Variants in RNF208 observed in about 807,000 individuals in gnomAD.
The protein encoded by RNF208 is ring finger protein 208.
A neutral mutation model predicts 15.2 loss-of-function variants in RNF208; 7 were observed. That is an observed-to-expected ratio of 0.46 (90% CI 0.26 to 0.86). The LOEUF (loss-of-function observed/expected upper bound fraction) is 0.86. RNF208 is among the 40% of genes least tolerant of loss of function. RNF208 has a pLI of 0.16. For synonymous variants in RNF208, 211 were observed against 163.2 expected, an observed-to-expected ratio of 1.29 and a Z score of -2.23; for missense variants, 342 against 364.1, an observed-to-expected ratio of 0.94 and a Z score of 0.49.
upstream of RNF208, among the ~76,000 whole-genome samples, chr9:137,222,415 G>C (rs1285249570): frequency 6.6e-6 from 1 of 151,868 alleles, no homozygotes; most frequent in Non-Finnish European, 1.5e-5. Flanking sequence ...GGACCCCCGC[G>C]TCGCCCCCAG....
rs770797630 is a variant in RNF208, at chr9:137,221,172, G to A, written c.41C>T (p.Pro14Leu). ...CTTCAGGCAGGACATGAGGAGGCCC[G>A]GCCAGCCACTGCCCGCCTCGGGCCC... Reference protein sequence around the residue: ...DPGPEAGSGWPGLLMSCLKGP... With the variant: ...DPGPEAGSGWLGLLMSCLKGP... The change falls in exon 2 of 2, where the codon CCG becomes CTG. Residue 14 changes from proline (P) to leucine (L), a missense_variant. Coordinates refer to ENST00000391553, the MANE Select transcript of RNF208 (RefSeq NM_031297.7). The A allele has an allele frequency of 8.4e-6, 13 of 1,542,246 alleles. No homozygotes were observed. In the South Asian group the frequency reaches 1.5e-4, roughly 17 times the overall value.
At chr9:137,222,812 G>A (rs796655082), upstream of RNF208, among the ~76,000 whole-genome samples, 12 of 152,384 alleles carry the variant, frequency 7.9e-5, no homozygotes, top group African/African-American at 2.4e-4. Flanking sequence ...AGGCGGCCCT[G>A]AGGACCGCAC....
Position 137,221,256 on chromosome 9 carries a change from G to GT in RNF208, c.-45dup. 1 of 355,204 alleles carries GT rather than the reference G, an allele frequency of 2.8e-6. No homozygotes were observed. The highest frequency in any genetic ancestry group is 4.5e-6 in the Non-Finnish European group (1 of 223,150). 22.0% of individuals were successfully genotyped at this position (355,204 alleles called of 1,614,324 possible). A position where few individuals can be genotyped will look rare whatever the true frequency, so the allele number is the denominator to read the frequency against. ...ACTGGATGTTCGGGTGGGTGGGGGC[G>GT]TTGTGTGGGGCTGGGGGGCAGGTGA... is the stretch of plus-strand genomic sequence containing the variant. On this transcript the variant is annotated 5_prime_UTR_variant, in exon 2 of 2. It removes the in-frame stop codon of an upstream open reading frame in the 5' UTR. Transcript: ENST00000391553.
At position 137,221,430 on chromosome 9, in the gene RNF208, G is replaced by T. The variant is rs907124987; in HGVS notation, c.-218C>A. 1.4e-5 allele frequency: 4 copies of T among 288,590 alleles called. No individual in the cohort carries two copies. Among genetic ancestry groups the T allele is most frequent in the South Asian group, 3.3e-4 (2 of 6,004 alleles). The allele number at this position is 288,590 out of a possible 1,614,324, so 17.9% of individuals were successfully genotyped here. On this transcript the variant is annotated 5_prime_UTR_variant, in exon 2 of 2. Coordinates refer to ENST00000391553, the MANE Select transcript of RNF208 (RefSeq NM_031297.7). ...TCCAGTCCTGGGAGGAGGAGGAAGG[G>T]GTGGGGGAGGGGGAGGCAGGCGGGG...
upstream of RNF208, among the ~76,000 whole-genome samples, chr9:137,222,887 C>A (rs1279865870): frequency 1.3e-5 from 2 of 152,214 alleles, no homozygotes; most frequent in South Asian, 4.1e-4. Flanking sequence ...CTTCCTCACC[C>A]GGGGCTTCCC....
rs769840151 is a variant in RNF208, at chr9:137,220,398, AGCGGGCAGTG to A, written c.*19_*28del. On this transcript the variant is annotated 3_prime_UTR_variant, in exon 2 of 2. Coordinates refer to ENST00000391553, the MANE Select transcript of RNF208 (RefSeq NM_031297.7). ...CCTGAAGAAGCAGCGAGCGAGGCTCAGCGGGCAGTGGCGGGCAGGCAGGCGCTACTACATG... is the reference window on the plus strand; with the variant it reads ...CCTGAAGAAGCAGCGAGCGAGGCTCAGCGGGCAGGCAGGCGCTACTACATG... 7.2e-6 allele frequency: 11 copies of A among 1,534,462 alleles called. No individual in the cohort carries two copies. Among genetic ancestry groups the A allele is most frequent in the Admixed American group, 3.8e-5 (2 of 52,376 alleles).
chr9:137,220,810 C>A lies in RNF208; in HGVS notation c.403G>T (p.Ala135Ser). The A allele has an allele frequency of 6.2e-7, 1 of 1,607,988 alleles. No individual in the cohort carries two copies. The highest frequency in any genetic ancestry group is 8.5e-7 in the Non-Finnish European group (1 of 1,177,602). ...CACTCCAGGGGCTCGCCTGCCGCCG[C>A]CGAAGAAGCCGCCGAGGCCGAGGGG... ...PGPSASAASS[A>S]AAGEPLECPT... Residue 135 changes from alanine (A) to serine (S), a missense_variant, in exon 2 of 2, where the codon GCG (alanine) becomes TCG (serine). Ala to Ser is a moderately conservative substitution (Grantham distance 99). Transcript: ENST00000391553.
At position 137,221,090 on chromosome 9, in the gene RNF208, G is replaced by A. The variant is rs747659565; in HGVS notation, c.123C>T (p.Phe41=). Residue 41 remains phenylalanine, a synonymous_variant, in exon 2 of 2, where the codon TTC becomes TTT. Coordinates refer to ENST00000391553, the MANE Select transcript of RNF208 (RefSeq NM_031297.7). ...EAMKIVHPEK[F]PELPAAPCFP... Reference sequence around the variant, plus strand: ...AGCAGGGGGCAGCCGGTAGCTCAGGGAACTTTTCAGGGTGGACAATCTTCA... The same window carrying A: ...AGCAGGGGGCAGCCGGTAGCTCAGGAAACTTTTCAGGGTGGACAATCTTCA... 1 of 1,605,782 alleles carries A rather than the reference G, an allele frequency of 6.2e-7. No homozygotes were observed. Among genetic ancestry groups the A allele is most frequent in the South Asian group, 1.1e-5 (1 of 89,804 alleles).
In RNF208 at chr9:137,221,376, C is replaced by G. The variant is rs1835869078; in HGVS notation, c.-164G>C. 7.1e-6 allele frequency: 3 copies of G among 422,830 alleles called. No homozygotes were observed. The highest frequency in any genetic ancestry group is 1.2e-5 in the Non-Finnish European group (3 of 240,796). 26.2% of individuals were successfully genotyped at this position (422,830 alleles called of 1,614,324 possible). ...CGGCGAGAGTTGGGGGTGCAGGGCCCCCCCCAGTGGCCACAGTGGCTTCTC... is the reference window on the plus strand; with the variant it reads ...CGGCGAGAGTTGGGGGTGCAGGGCCGCCCCCAGTGGCCACAGTGGCTTCTC... On this transcript the variant is annotated 5_prime_UTR_variant, in exon 2 of 2. Coordinates refer to ENST00000391553, the MANE Select transcript of RNF208 (RefSeq NM_031297.7).
chr9:137,223,077 C>T (rs1336251690), upstream of RNF208, among the ~76,000 whole-genome samples: 1 of 152,286 alleles, frequency 6.6e-6, no homozygotes, highest in Non-Finnish European at 1.5e-5. Context: ...CCAGACCGCA[C>T]CTGCTCTAGG....
In RNF208 at chr9:137,221,105, G is replaced by T. The variant is rs1218402878; in HGVS notation, c.108C>A (p.Val36=). The change falls in exon 2 of 2, where the codon GTC becomes GTA. Residue 36 remains valine (V), a synonymous_variant. Transcript: ENST00000391553. ...VILKMEAMKI[V]HPEKFPELPA... is the part of the protein sequence containing the mutation. ...GTAGCTCAGGGAACTTTTCAGGGTG[G>T]ACAATCTTCATGGCCTCCATCTTGA... The T allele has an allele frequency of 6.2e-7, 1 of 1,605,712 alleles. No individual in the cohort carries two copies. The highest frequency in any genetic ancestry group is 8.5e-7 in the Non-Finnish European group (1 of 1,176,390).
In RNF208 at chr9:137,221,755, G is replaced by A. The variant is rs1835874805; in HGVS notation, c.-526-17C>T. 6.6e-6 allele frequency among the ~76,000 whole-genome samples: 1 copy of A among 152,102 alleles called. No homozygotes were observed. The highest frequency in any genetic ancestry group is 1.5e-5 in the Non-Finnish European group (1 of 67,968). The stretch of plus-strand genomic sequence containing the variant: ...AGGCCTGAGCTGCAGGTGAGAGACG[G>A]CATGAGGGCAGTGCCCCGGCCACCC... On this transcript the variant is annotated splice_polypyrimidine_tract_variant and intron_variant, in intron 1 of 1. Coordinates refer to ENST00000391553, the MANE Select transcript of RNF208 (RefSeq NM_031297.7).
chr9:137,222,828 CG>C (rs890223555), upstream of RNF208, among the ~76,000 whole-genome samples: 1 of 152,246 alleles, frequency 6.6e-6, no homozygotes, highest in African/African-American at 2.4e-5. Flanking sequence ...CGCACCTGCC[CG>C]GACAGGGTGG....
Position 137,220,454 on chromosome 9 carries a change from G to T in RNF208, c.759C>A (p.Asn253Lys), listed in dbSNP as rs755475923. ...ACATGATGGAGCAGGCGGACAGTGG[G>T]TTCCGCACGTGGCAGGTGCACGCGG... ...CGAACTCHVR[N>K]PLSACSIM Residue 253 changes from asparagine (N) to lysine (K), a missense_variant, in exon 2 of 2, where the codon AAC becomes AAA. Physicochemically the swap from Asn to Lys is moderately conservative, Grantham distance 94. Around this residue, in one of 3 missense-constraint regions of RNF208, gnomAD observed 59 missense variants for 52.4 expected, o/e 1.13. Coordinates refer to ENST00000391553, the MANE Select transcript of RNF208 (RefSeq NM_031297.7). 83 of 1,595,440 alleles carry T rather than the reference G, an allele frequency of 5.2e-5. No homozygotes were observed. Among genetic ancestry groups the T allele is most frequent in the Non-Finnish European group, 6.8e-5 (80 of 1,170,626 alleles).
Position 137,221,249 on chromosome 9 carries a change from T to TGGGGG in RNF208, c.-42_-38dup. 1 of 139,534 alleles carries TGGGGG rather than the reference T, an allele frequency of 7.2e-6. No individual in the cohort carries two copies. The highest frequency in any genetic ancestry group is 1.6e-4 in the South Asian group (1 of 6,392). 8.6% of individuals were successfully genotyped at this position (139,534 alleles called of 1,614,324 possible). A position where few individuals can be genotyped will look rare whatever the true frequency, so the allele number is the denominator to read the frequency against. ...CAGTCAGACTGGATGTTCGGGTGGG[T>TGGGGG]GGGGGCGTTGTGTGGGGCTGGGGGG... On this transcript the variant is annotated 5_prime_UTR_variant, in exon 2 of 2. The change abolishes the stop of an existing upstream ORF in the 5' untranslated region. Transcript: ENST00000391553.
In RNF208 at chr9:137,220,532, C is replaced by T; in HGVS notation, c.681G>A (p.Trp227Ter). The change falls in exon 2 of 2, where the codon TGG becomes TGA. Residue 227 changes from tryptophan to a stop codon, truncating the protein, a stop_gained. Coordinates refer to ENST00000391553, the MANE Select transcript of RNF208 (RefSeq NM_031297.7). LOFTEE classifies it high-confidence loss of function. ...AGCAGCTGCCCTCGGGCTCAGCCCC[C>T]CACTGACCCCCGGATGGGGCCGTCA... is the stretch of plus-strand genomic sequence containing the variant. ...EALTAPSGGQ[W>*]GAEPEGSCYQ... 6.2e-7 allele frequency: 1 copy of T among 1,605,620 alleles called. No homozygotes were observed.
Position 137,221,168 on chromosome 9 carries a change from G to T in RNF208, c.45C>A (p.Gly15=). 6.5e-7 allele frequency: 1 copy of T among 1,540,584 alleles called. No individual in the cohort carries two copies. Residue 15 remains glycine (G), a synonymous_variant, in exon 2 of 2, where the codon GGC becomes GGA. Coordinates refer to ENST00000391553, the MANE Select transcript of RNF208 (RefSeq NM_031297.7). ...PGPEAGSGWP[G]LLMSCLKGPH... Reference sequence around the variant, plus strand: ...GACCCTTCAGGCAGGACATGAGGAGGCCCGGCCAGCCACTGCCCGCCTCGG... The same window carrying T: ...GACCCTTCAGGCAGGACATGAGGAGTCCCGGCCAGCCACTGCCCGCCTCGG...
Position 137,220,284 on chromosome 9 carries a change from G to A in RNF208, c.*143C>T, listed in dbSNP as rs1007895004. 1 of 907,000 alleles carries A rather than the reference G, an allele frequency of 1.1e-6. No individual in the cohort carries two copies. Among genetic ancestry groups the A allele is most frequent in the Non-Finnish European group, 1.6e-6 (1 of 616,830 alleles). 56.2% of individuals were successfully genotyped at this position (907,000 alleles called of 1,614,324 possible). A position where few individuals can be genotyped will look rare whatever the true frequency, so the allele number is the denominator to read the frequency against. On this transcript the variant is annotated 3_prime_UTR_variant, in exon 2 of 2. Coordinates refer to ENST00000391553, the MANE Select transcript of RNF208 (RefSeq NM_031297.7). Reference sequence around the variant, plus strand: ...TTTGGCAAAGAGTTTTAATGGCAAAGTTGGCTGCAGCGACAATGCCACTCG... The same window carrying A: ...TTTGGCAAAGAGTTTTAATGGCAAAATTGGCTGCAGCGACAATGCCACTCG...
upstream of RNF208, among the ~76,000 whole-genome samples, chr9:137,222,667 G>A (rs1353574400): frequency 6.6e-6 from 1 of 152,258 alleles, no homozygotes. Flanking sequence ...GCCCGGTGCC[G>A]TAGCTCAGAT....
Sources: allele counts gnomAD v4.1 joint callset (sites outside exome capture counted in the v4.1 genomes callset), GRCh38; gene constraint gnomAD v4.1.1; regional missense constraint gnomAD v4.1.1; transcripts MANE v1.5; gene names NCBI Gene and HGNC (gene_info 2026-07-23, HGNC 2026-07-21).